GALNT13: variants seen among roughly 807,000 people sequenced by gnomAD.
The protein encoded by GALNT13 is polypeptide N-acetylgalactosaminyltransferase 13, also known as UDP-GalNAc:polypeptide N-acetylgalactosaminyltransferase 13.
Under a neutral mutation model 64.2 loss-of-function variants are expected in GALNT13, and 28 were observed. The ratio of observed to expected loss-of-function variants is 0.44; its 90% confidence interval spans 0.32 to 0.60. GALNT13 has a LOEUF of 0.60. Ranked by LOEUF, GALNT13 falls within the 20% of genes least tolerant of loss-of-function variation. GALNT13 has a pLI of 0.05. For synonymous variants in GALNT13, 214 were observed against 224.6 expected (o/e 0.95, Z 0.42); for missense variants, 577 against 669.8 (o/e 0.86, Z 1.53).
the GALNT13 span, among the ~76,000 whole-genome samples, chr2:153,505,402 C>T: frequency 2.6e-5 from 4 of 151,946 alleles, no homozygotes; most frequent in Admixed American, 2.6e-4. Flanking sequence ...TTTGTCATTA[C>T]TTTTCTTCTG....
At chr2:153,688,775 G>A in the GALNT13 span, among the ~76,000 whole-genome samples, 1 of 151,842 alleles carries the variant, frequency 6.6e-6, no homozygotes, top group Non-Finnish European at 1.5e-5. Context: ...ATGTAGCAGT[G>A]GTTTGTTTAC....
intron 4 of GALNT13, among the ~76,000 whole-genome samples, chr2:154,174,045 A>AT (rs1282588383): frequency 6.6e-6 from 1 of 152,170 alleles, no homozygotes; most frequent in African/African-American, 2.4e-5. Flanking sequence ...CTGGGTATAT[A>AT]TCCAAAAGAA....
At chr2:153,139,234 A>C in the GALNT13 span, among the ~76,000 whole-genome samples, 7 of 152,074 alleles carry the variant, frequency 4.6e-5, no homozygotes, top group Non-Finnish European at 1.0e-4. Context: ...AGCCCCTAGA[A>C]TATAAACCAG....
chr2:153,575,902 G>A, the GALNT13 span, among the ~76,000 whole-genome samples: 3 of 152,166 alleles, frequency 2.0e-5, no homozygotes, highest in Non-Finnish European at 4.4e-5. Context: ...TAAGGCCCTT[G>A]ATGTAGTACC....
the GALNT13 span, among the ~76,000 whole-genome samples, chr2:153,575,163 C>T: frequency 6.6e-6 from 1 of 152,156 alleles, no homozygotes; most frequent in African/African-American, 2.4e-5. Flanking sequence ...GGAGAAGTCT[C>T]TGGATTACCA....
At chr2:153,783,105 G>A in the GALNT13 span, among the ~76,000 whole-genome samples, 1 of 152,198 alleles carries the variant, frequency 6.6e-6, no homozygotes, top group Non-Finnish European at 1.5e-5. Flanking sequence ...AAGTGCTGAT[G>A]GATATTTAAA....
the GALNT13 span, among the ~76,000 whole-genome samples, chr2:153,836,083 A>C: frequency 6.6e-6 from 1 of 152,138 alleles, no homozygotes; most frequent in Non-Finnish European, 1.5e-5. Flanking sequence ...TTCAATCCCA[A>C]ATTGGCAAAT....
At chr2:154,430,356 G>A (rs537482352) in intron 11 of GALNT13, among the ~76,000 whole-genome samples, 7 of 152,284 alleles carry the variant, frequency 4.6e-5, no homozygotes, top group African/African-American at 1.7e-4. Flanking sequence ...AGATGACTTT[G>A]AGGGGTTCAA....
At chr2:154,351,327 T>C (rs962209648) in intron 9 of GALNT13, among the ~76,000 whole-genome samples, 3 of 152,152 alleles carry the variant, frequency 2.0e-5, no homozygotes, top group Non-Finnish European at 2.9e-5. Flanking sequence ...CATATTCTTC[T>C]TGCATCTTGT....
At chr2:154,290,740 T>G (rs760021138) in intron 8 of GALNT13, among the ~76,000 whole-genome samples, 8 of 152,180 alleles carry the variant, frequency 5.3e-5, no homozygotes, top group Non-Finnish European at 8.8e-5. Flanking sequence ...GCAGTGAGTG[T>G]TACAGTTCTT....
At chr2:154,136,198 A>G (rs185008170) in intron 3 of GALNT13, among the ~76,000 whole-genome samples, 3 of 152,348 alleles carry the variant, frequency 2.0e-5, no homozygotes, top group Admixed American at 1.3e-4. Context: ...AAATATACAG[A>G]AAGTAACAAC....
At chr2:153,188,643 A>G in the GALNT13 span, among the ~76,000 whole-genome samples, 2 of 152,162 alleles carry the variant, frequency 1.3e-5, no homozygotes, top group Non-Finnish European at 2.9e-5. Flanking sequence ...GCAGAGGTAC[A>G]TATATACTTA....
the GALNT13 span, among the ~76,000 whole-genome samples, chr2:153,782,867 A>G: frequency 6.6e-6 from 1 of 152,186 alleles, no homozygotes; most frequent in Non-Finnish European, 1.5e-5. Flanking sequence ...GCAGACTAAA[A>G]TATCTGCCAA....
intron 3 of GALNT13, among the ~76,000 whole-genome samples, chr2:153,947,351 T>C (rs1162958515): frequency 6.6e-6 from 1 of 151,926 alleles, no homozygotes; most frequent in Non-Finnish European, 1.5e-5. Flanking sequence ...GTGCGTGTAA[T>C]CATGTGCCAT....
the GALNT13 span, among the ~76,000 whole-genome samples, chr2:153,114,449 G>C: frequency 6.6e-6 from 1 of 152,158 alleles, no homozygotes; most frequent in Non-Finnish European, 1.5e-5. Context: ...AGAGTTAGGA[G>C]TAGAAACTAT....
At chr2:153,203,757 C>A in the GALNT13 span, among the ~76,000 whole-genome samples, 3 of 152,032 alleles carry the variant, frequency 2.0e-5, no homozygotes, top group African/African-American at 7.2e-5. Context: ...AGTTTTAGAC[C>A]TTGGTAAAAT....
At chr2:154,107,387 T>G (rs753735832) in intron 3 of GALNT13, among the ~76,000 whole-genome samples, 2 of 151,882 alleles carry the variant, frequency 1.3e-5, no homozygotes, top group Non-Finnish European at 2.9e-5. Flanking sequence ...GAGGTCAGAT[T>G]GAGACCATCC....
At chr2:153,798,210 T>A in the GALNT13 span, among the ~76,000 whole-genome samples, 5 of 152,208 alleles carry the variant, frequency 3.3e-5, no homozygotes, top group African/African-American at 1.2e-4. Flanking sequence ...CTTATTCTCC[T>A]ACTACCCTTT....
At chr2:153,223,565 C>G in the GALNT13 span, among the ~76,000 whole-genome samples, 1 of 152,006 alleles carries the variant, frequency 6.6e-6, no homozygotes. Flanking sequence ...GGAAATTAAA[C>G]AAAACAGTTC....
Sources: gnomAD v4.1 joint callset for allele counts (sites outside exome capture counted in the v4.1 genomes callset) on GRCh38, gnomAD v4.1.1 for gene constraint, MANE v1.5 for transcripts, NCBI Gene and HGNC (gene_info 2026-07-23, HGNC 2026-07-21) for gene names.